Variants in SPG11 observed in about 807,000 individuals in gnomAD.
SPG11 encodes SPG11 vesicle trafficking associated, spatacsin.
SPG11 carries 222 observed loss-of-function variants against 274.0 expected under a neutral mutation model. That is an observed-to-expected ratio of 0.81 (90% CI 0.73 to 0.91). The LOEUF is 0.91. SPG11 is among the 40% of genes least tolerant of loss of function. The pLI is 0.00. For synonymous variants in SPG11, 1,144 were observed against 1,039.7 expected, an observed-to-expected ratio of 1.10 and a Z score of -1.93; for missense variants, 3,114 against 2,872.7, an observed-to-expected ratio of 1.08 and a Z score of -1.92.
At chr15:44,612,405 TTTAA>T (rs1248440132) in intron 17 of SPG11, among the ~76,000 whole-genome samples, 1 of 152,178 alleles carries the variant, frequency 6.6e-6, no homozygotes, top group Non-Finnish European at 1.5e-5. Context: ...GGTATTACTT[TTTAA>T]TTAATTAATT....
Position 44,629,237 on chromosome 15 carries a change from A to G in SPG11, c.1887T>C (p.Thr629=). 2 of 1,614,012 alleles carry G rather than the reference A, an allele frequency of 1.2e-6. No homozygotes were observed. Among genetic ancestry groups the G allele is most frequent in the Non-Finnish European group, 1.7e-6 (2 of 1,179,894 alleles). The change falls in exon 9 of 40, where the codon ACT becomes ACC. Residue 629 remains threonine (T), a synonymous_variant. Transcript: ENST00000261866. ...NNQIKELFIH[T]EELDEHLQKG... is the part of the protein sequence containing the mutation. ...CTTCCTAGCTGCTATTCTTACCTTC[A>G]GTGTGAATGAAAAGCTCCTTTATTT...
In SPG11 at chr15:44,620,321, T is replaced by C. The variant is rs763661524; in HGVS notation, c.2703A>G (p.Gly901=). The part of the protein sequence containing the change: ...HDWLNIILWI[G]EFQTQHSYAS... Reference sequence around the variant, plus strand: ...CATAACTATGCTGGGTTTGAAATTCTCCAATCCATAAGATAATGTTTAACC... The same window carrying C: ...CATAACTATGCTGGGTTTGAAATTCCCCAATCCATAAGATAATGTTTAACC... The change falls in exon 15 of 40, where the codon GGA becomes GGG. Residue 901 remains glycine, a synonymous_variant. Transcript: ENST00000261866. 8 of 1,614,024 alleles carry C rather than the reference T, an allele frequency of 5.0e-6. No homozygotes were observed. Among genetic ancestry groups the C allele is most frequent in the African/African-American group, 4.0e-5 (3 of 74,924 alleles).
At position 44,629,278 on chromosome 15, in the gene SPG11, A is replaced by C; in HGVS notation, c.1846T>G (p.Ser616Ala). The change falls in exon 9 of 40, where the codon TCT becomes GCT. Residue 616 changes from serine to alanine, a missense_variant. By Grantham distance (99) the Ser-to-Ala change is moderately conservative (BLOSUM62 1). Coordinates refer to ENST00000261866, the MANE Select transcript of SPG11 (RefSeq NM_025137.4). Reference protein sequence around the residue: ...FSEQLLNLTLSFLNNQIKELF... With the variant: ...FSEQLLNLTLAFLNNQIKELF... ...TCCTTTATTTGGTTGTTAAGGAAAG[A>C]CAGTGTAAGATTAAGCAATTGTTCT... The C allele has an allele frequency of 6.2e-7, 1 of 1,614,142 alleles. No homozygotes were observed. The highest frequency in any genetic ancestry group is 8.5e-7 in the Non-Finnish European group (1 of 1,179,992).
chr15:44,567,613 A>G, intron 35 of SPG11, 21 bp from the exon 36 acceptor site: 1 of 1,613,832 alleles, frequency 6.2e-7, no homozygotes, highest in Non-Finnish European at 8.5e-7. Flanking sequence ...TAAAAGGGAA[A>G]AAGCAAGGTG....
In SPG11 at chr15:44,641,586, TACACACACACACAC is replaced by T. The variant is rs147901004; in HGVS notation, c.1602+7266_1602+7279del. 3.5e-3 allele frequency among the ~76,000 whole-genome samples: 391 copies of T among 112,480 alleles called. 3 individuals carry two copies. Among genetic ancestry groups the T allele is most frequent in the East Asian group, 0.022 (86 of 3,912 alleles). The allele number at this position is 112,480 out of a possible 152,430, so 73.8% of individuals were successfully genotyped here. ...TGAAAGAAAAAAAATCCAAATATCT[TACACACACACACAC>T]ACACACACACACACACACACACACA... On this transcript the variant is annotated intron_variant, in intron 7 of 39. Transcript: ENST00000261866.
Position 44,592,387 on chromosome 15 carries a change from T to G in SPG11, c.4687A>C (p.Arg1563=). ...MEMYELCMFF[R]NYKEAEAKLL... ...TTAGCTTCAGCTTCTTTATAATTCC[T>G]GAAGAACATACACAGTTCATACATC... The change falls in exon 27 of 40, where the codon AGG becomes CGG. Residue 1563 remains arginine, a synonymous_variant. Transcript: ENST00000261866. The G allele has an allele frequency of 6.2e-7, 1 of 1,612,616 alleles. No homozygotes were observed.
At chr15:44,582,865 CT>C (rs1010937078) in intron 30 of SPG11, among the ~76,000 whole-genome samples, 4 of 152,024 alleles carry the variant, frequency 2.6e-5, no homozygotes, top group African/African-American at 9.7e-5. Flanking sequence ...CAGAAGGGAA[CT>C]TTTTCAACAT....
intron 20 of SPG11, among the ~76,000 whole-genome samples, chr15:44,604,890 T>C (rs1215162201): frequency 8.3e-6 from 1 of 119,934 alleles, no homozygotes; most frequent in African/African-American, 3.3e-5. Flanking sequence ...ATCGAGATCG[T>C]GCCACTGCAC....
chr15:44,574,936 C>A lies in SPG11; in HGVS notation c.5972G>T (p.Cys1991Phe), dbSNP rs1188100205. Residue 1991 changes from cysteine (C) to phenylalanine (F), a missense_variant, in exon 31 of 40, where the codon TGT becomes TTT. Transcript: ENST00000261866. The stretch of plus-strand genomic sequence containing the variant: ...ATCATACAGACAGAGGACCTGTCGA[C>A]AGTAGTTCTTCCCATGGAGGCATTT... ...TSKCLHGKNYCRQVLCLYDLA... is the reference protein window; with the variant it reads ...TSKCLHGKNYFRQVLCLYDLA... The A allele has an allele frequency of 6.2e-7, 1 of 1,613,970 alleles. No individual in the cohort carries two copies. Among genetic ancestry groups the A allele is most frequent in the Non-Finnish European group, 8.5e-7 (1 of 1,180,014 alleles).
rs2084966527 is a variant in SPG11 at position 44,657,211 on chromosome 15, C to A, written c.753G>T (p.Gln251His). ...TAAATGAAGAAATCTTGGCTGGCTC[C>A]TGTTGCTGCTCATTACACATGTCTT... ...HKEDMCNEQQ[Q>H]EPAKISSFTS... The change falls in exon 4 of 40, where the codon CAG becomes CAT. Residue 251 changes from glutamine to histidine, a missense_variant. By Grantham distance (24) the Gln-to-His change is conservative (BLOSUM62 0). Coordinates refer to ENST00000261866, the MANE Select transcript of SPG11 (RefSeq NM_025137.4). The A allele has an allele frequency of 6.2e-7, 1 of 1,614,066 alleles. No homozygotes were observed. The highest frequency in any genetic ancestry group is 1.7e-5 in the Admixed American group (1 of 60,008).
intron 8 of SPG11, among the ~76,000 whole-genome samples, chr15:44,631,666 T>TC (rs1169969165): frequency 6.6e-6 from 1 of 151,776 alleles, no homozygotes; most frequent in Non-Finnish European, 1.5e-5. Flanking sequence ...TCAGGCTTTT[T>TC]TTTTTTTTTT....
chr15:44,591,730 T>G (rs2082903322), intron 27 of SPG11, among the ~76,000 whole-genome samples: 1 of 152,166 alleles, frequency 6.6e-6, no homozygotes, highest in Non-Finnish European at 1.5e-5. Flanking sequence ...CCCAACACTT[T>G]GAGAGGCCGA....
At chr15:44,662,650 T>TAAAAA (rs527806518) in intron 1 of SPG11, among the ~76,000 whole-genome samples, 42 of 91,190 alleles carry the variant, frequency 4.6e-4, no homozygotes, top group African/African-American at 1.7e-3. Flanking sequence ...ACCTTATCTT[T>TAAAAA]AAAAAAAAAA....
intron 20 of SPG11, among the ~76,000 whole-genome samples, chr15:44,602,178 CTTCT>C (rs909932304): frequency 6.6e-6 from 1 of 152,052 alleles, no homozygotes; most frequent in African/African-American, 2.4e-5. Context: ...GACAACTTCA[CTTCT>C]TTCTTTCTGA....
At chr15:44,566,398 TC>T in intron 36 of SPG11, 93 bp from the exon 37 acceptor site, 2 of 1,278,112 alleles carry the variant, frequency 1.6e-6, no homozygotes, top group Non-Finnish European at 2.2e-6. Flanking sequence ...AATAGAAACA[TC>T]CCAGCCATGT....
chr15:44,636,956 A>AAAAAAAAAAAAAAAAAAAAC (rs2084291217), intron 7 of SPG11, among the ~76,000 whole-genome samples: 1 of 125,002 alleles, frequency 8.0e-6, no homozygotes. Flanking sequence ...AAAAAAAAAA[A>AAAAAAAAAAAAAAAAAAAAC]ACAAAAAAAA....
chr15:44,608,338 AG>A, intron 19 of SPG11, 105 bp downstream of exon 19: 4 of 1,221,222 alleles, frequency 3.3e-6, no homozygotes, highest in Non-Finnish European at 4.8e-6. Flanking sequence ...ATGCTGTGTA[AG>A]TAATTCCCTA....
rs1331233558 is a variant in SPG11 at position 44,584,284 on chromosome 15, T to G, written c.5396A>C (p.Lys1799Thr). 1 of 1,613,474 alleles carries G rather than the reference T, an allele frequency of 6.2e-7. No individual in the cohort carries two copies. The highest frequency in any genetic ancestry group is 1.7e-5 in the Admixed American group (1 of 59,970). Reference protein sequence around the residue: ...VPLDKLEELEKQIWLCRITQH... With the variant: ...VPLDKLEELETQIWLCRITQH... ...GGTGATGCGGCACAGCCAGATCTGC[T>G]TCTCCAGCTCCTCCAGCTTATCCAA... Residue 1799 changes from lysine (K) to threonine (T), a missense_variant, in exon 30 of 40, where the codon AAG becomes ACG. Transcript: ENST00000261866.
intron 38 of SPG11, among the ~76,000 whole-genome samples, chr15:44,565,326 G>A (rs1057145819): frequency 1.3e-5 from 2 of 152,168 alleles, no homozygotes; most frequent in Non-Finnish European, 2.9e-5. Flanking sequence ...TTCCCTGGAG[G>A]ACAATTTTTC....
Sources: gnomAD v4.1 joint callset for allele counts (sites outside exome capture counted in the v4.1 genomes callset) on GRCh38, gnomAD v4.1.1 for gene constraint, MANE v1.5 for transcripts, NCBI Gene and HGNC (gene_info 2026-07-23, HGNC 2026-07-21) for gene names.